Variants in ZNF292 observed in about 807,000 individuals in gnomAD.
ZNF292 encodes 16 zinc-finger domain protein.
A neutral mutation model predicts 217.9 loss-of-function variants in ZNF292; 26 were observed. That is an observed-to-expected ratio of 0.12 (90% confidence interval 0.09 to 0.17). The LOEUF (loss-of-function observed/expected upper bound fraction) is 0.17. ZNF292 is among the 10% of genes least tolerant of loss of function. The pLI, the probability that ZNF292 is intolerant of heterozygous loss-of-function variation, is 1.00. For synonymous variants in ZNF292, 1,257 were observed against 1,124.1 expected (o/e 1.12, Z -2.37); for missense variants, 2,904 against 3,175.2 (o/e 0.91, Z 2.05).
At chr6:87,163,704 T>C (rs1770826309) in intron 1 of ZNF292, among the ~76,000 whole-genome samples, 1 of 152,178 alleles carries the variant, frequency 6.6e-6, no homozygotes, top group Non-Finnish European at 1.5e-5. Flanking sequence ...CTTGAAATTA[T>C]TTTAGCTGAA....
At chr6:87,190,384 C>G (rs1771789608) in intron 1 of ZNF292, among the ~76,000 whole-genome samples, 1 of 152,086 alleles carries the variant, frequency 6.6e-6, no homozygotes, top group African/African-American at 2.4e-5. Context: ...GTGAAGATTA[C>G]CTATGCTTGC....
chr6:87,165,797 C>T (rs1770893437), intron 1 of ZNF292, among the ~76,000 whole-genome samples: 1 of 129,188 alleles, frequency 7.7e-6, no homozygotes, highest in Non-Finnish European at 1.6e-5. Flanking sequence ...TCGCTCTTGT[C>T]TCCCAGGCTG....
At chr6:87,193,117 A>G (rs1466387635) in intron 1 of ZNF292, among the ~76,000 whole-genome samples, 1 of 152,186 alleles carries the variant, frequency 6.6e-6, no homozygotes. Flanking sequence ...GCCTCCAAGT[A>G]TCTGGGATGA....
At chr6:87,237,129 T>C (rs1773942786) in intron 5 of ZNF292, among the ~76,000 whole-genome samples, 1 of 151,984 alleles carries the variant, frequency 6.6e-6, no homozygotes, top group Non-Finnish European at 1.5e-5. Context: ...AGCCCAAGAG[T>C]TAATTTTGAT....
At chr6:87,251,642 A>G (rs1774926242) in intron 7 of ZNF292, among the ~76,000 whole-genome samples, 1 of 152,234 alleles carries the variant, frequency 6.6e-6, no homozygotes, top group Non-Finnish European at 1.5e-5. Context: ...TGGGCAAATC[A>G]CTTAATTACA....
chr6:87,218,467 A>G, intron 3 of ZNF292, 129 bp from the exon 4 acceptor site: 1 of 574,186 alleles, frequency 1.7e-6, no homozygotes, highest in Non-Finnish European at 2.8e-6. Context: ...GGAATTGAGT[A>G]CTTTGTAATG....
chr6:87,238,292 G>C (rs1380557393), intron 5 of ZNF292, among the ~76,000 whole-genome samples: 1 of 152,036 alleles, frequency 6.6e-6, no homozygotes, highest in Non-Finnish European at 1.5e-5. Flanking sequence ...TTTGAGACCA[G>C]CCTGGGCAAC....
intron 1 of ZNF292, among the ~76,000 whole-genome samples, chr6:87,200,442 TC>T (rs1210095546): frequency 6.6e-6 from 1 of 152,024 alleles, no homozygotes; most frequent in Non-Finnish European, 1.5e-5. Flanking sequence ...ACATTCCCTT[TC>T]TATGTTATGT....
intron 6 of ZNF292, 135 bp downstream of exon 6, chr6:87,243,746 C>T (rs1774430214): frequency 2.4e-6 from 2 of 825,252 alleles, no homozygotes; most frequent in Non-Finnish European, 3.4e-6. Flanking sequence ...ATATTACATG[C>T]TGTGCAAACT....
At chr6:87,193,262 C>T (rs1771867933) in intron 1 of ZNF292, among the ~76,000 whole-genome samples, 1 of 152,154 alleles carries the variant, frequency 6.6e-6, no homozygotes, top group South Asian at 2.1e-4. Flanking sequence ...TAACAGGTCA[C>T]ACAGCTGGGT....
intron 7 of ZNF292, among the ~76,000 whole-genome samples, chr6:87,246,105 C>T (rs1774566584): frequency 6.6e-6 from 1 of 152,122 alleles, no homozygotes; most frequent in South Asian, 2.1e-4. Flanking sequence ...GTGGCGTGCA[C>T]CTGTAATCCC....
chr6:87,222,288 A>G (rs905101093), intron 4 of ZNF292, among the ~76,000 whole-genome samples: 3 of 152,188 alleles, frequency 2.0e-5, no homozygotes, highest in African/African-American at 7.2e-5. Context: ...ACTTAAAAAA[A>G]TCTTTCTGCT....
chr6:87,219,157 A>C lies in ZNF292; in HGVS notation c.538+426A>C, dbSNP rs183558958. 1.5e-4 allele frequency among the ~76,000 whole-genome samples: 23 copies of C among 152,284 alleles called. No homozygotes were observed. In the East Asian group the frequency reaches 4.4e-3, roughly 29 times the overall value. On this transcript the variant is annotated intron_variant, in intron 4 of 7. Transcript: ENST00000369577. Reference sequence around the variant, plus strand: ...AAAATGCTTTCTCAGTTTATTGCTCAGTCTTATTGTATCCCCTGCGTTTTT... The same window carrying C: ...AAAATGCTTTCTCAGTTTATTGCTCCGTCTTATTGTATCCCCTGCGTTTTT...
In ZNF292 at chr6:87,255,529, C is replaced by A; in HGVS notation, c.1900C>A (p.Pro634Thr). The part of the protein sequence containing the change: ...TNTVAKQEQR[P>T]IKKNSLYSTD... ...TACTGTGGCTAAACAGGAGCAGCGA[C>A]CTATAAAAAAGAATAGTCTCTATTC... The change falls in exon 8 of 8, where the codon CCT (proline) becomes ACT (threonine). Residue 634 changes from proline to threonine, a missense_variant. By Grantham distance (38) the Pro-to-Thr change is conservative (BLOSUM62 -1). Around this residue, in one of 15 missense-constraint regions of ZNF292, gnomAD observed 216 missense variants for 308.3 expected, o/e 0.70. Coordinates refer to ENST00000369577, the MANE Select transcript of ZNF292 (RefSeq NM_015021.3). 6.2e-7 allele frequency: 1 copy of A among 1,612,318 alleles called. No homozygotes were observed.
chr6:87,157,815 A>T (rs1443505030), intron 1 of ZNF292, among the ~76,000 whole-genome samples: 4 of 152,096 alleles, frequency 2.6e-5, no homozygotes, highest in South Asian at 2.1e-4. Context: ...CAGCTTCCCA[A>T]GTAACTGGGA....
chr6:87,259,801 C>A lies in ZNF292; in HGVS notation c.6172C>A (p.Gln2058Lys). 6.2e-7 allele frequency: 1 copy of A among 1,608,968 alleles called. No homozygotes were observed. Among genetic ancestry groups the A allele is most frequent in the Non-Finnish European group, 8.5e-7 (1 of 1,177,440 alleles). ...KSPDKTESSL[Q>K]VITVTSEQCN... ...TCCTGACAAAACAGAAAGTTCTTTA[C>A]AAGTGATTACAGTTACTTCAGAACA... is the stretch of plus-strand genomic sequence containing the variant. The change falls in exon 8 of 8, where the codon CAA becomes AAA. Residue 2058 changes from glutamine to lysine, a missense_variant. By Grantham distance (53) the Gln-to-Lys change is moderately conservative. Coordinates refer to ENST00000369577, the MANE Select transcript of ZNF292 (RefSeq NM_015021.3).
At chr6:87,244,854 C>T (rs1005607895) in intron 6 of ZNF292, among the ~76,000 whole-genome samples, 8 of 152,034 alleles carry the variant, frequency 5.3e-5, no homozygotes, top group African/African-American at 1.9e-4. Context: ...TACACATGCA[C>T]ACACATATAT....
At chr6:87,198,034 A>G (rs1012262400) in intron 1 of ZNF292, among the ~76,000 whole-genome samples, 20 of 152,046 alleles carry the variant, frequency 1.3e-4, no homozygotes, top group African/African-American at 4.8e-4. Flanking sequence ...ACTGATTGGT[A>G]TTTTCTTTTT....
chr6:87,240,028 C>T (rs1002744808), intron 5 of ZNF292, among the ~76,000 whole-genome samples: 3 of 151,934 alleles, frequency 2.0e-5, no homozygotes, highest in Admixed American at 6.6e-5. Flanking sequence ...TGTAGCGAGC[C>T]GAGATCAGAC....
Sources: allele counts gnomAD v4.1 joint callset (sites outside exome capture counted in the v4.1 genomes callset), GRCh38; gene constraint gnomAD v4.1.1; regional missense constraint gnomAD v4.1.1; transcripts MANE v1.5; gene names NCBI Gene and HGNC (gene_info 2026-07-23, HGNC 2026-07-21).